Variants in RUBCN observed in about 807,000 individuals in gnomAD.
RUBCN encodes run domain Beclin-1-interacting and cysteine-rich domain-containing protein.
In RUBCN, 74 loss-of-function variants were observed where a neutral mutation model predicts 113.2. The ratio of observed to expected loss-of-function variants is 0.65; its 90% CI spans 0.54 to 0.79. The LOEUF is 0.79. Among genes scored for constraint, RUBCN ranks in the 30% least tolerant of loss-of-function variants. The pLI is 0.00. For missense variants in RUBCN, 1,109 were observed against 1,251.7 expected (o/e 0.89, Z 1.72); for synonymous variants, 480 against 490.0 (o/e 0.98, Z 0.27).
At chr3:197,736,969 G>A (rs1728225854), upstream of RUBCN, 5 of 1,274,824 alleles carry the variant, frequency 3.9e-6, no homozygotes, top group South Asian at 2.1e-5. Context: ...CGCTCCCGCA[G>A]GACGCGTCCT....
intron 2 of RUBCN, among the ~76,000 whole-genome samples, chr3:197,715,727 G>A (rs1023655558): frequency 6.6e-5 from 10 of 152,190 alleles, no homozygotes; most frequent in Non-Finnish European, 1.5e-4. Context: ...CTGAGCCACA[G>A]TACCTATTAA....
intron 14 of RUBCN, among the ~76,000 whole-genome samples, chr3:197,682,245 G>A (rs1475562724): frequency 6.6e-6 from 1 of 152,130 alleles, no homozygotes; most frequent in East Asian, 1.9e-4. Flanking sequence ...AAAGCTACAG[G>A]TTGGGAATGC....
chr3:197,711,676 T>A (rs972373564), intron 2 of RUBCN, among the ~76,000 whole-genome samples: 4 of 151,818 alleles, frequency 2.6e-5, no homozygotes, highest in African/African-American at 4.8e-5. Context: ...TTAAAAAAAA[T>A]TTTTAATTAA....
At chr3:197,741,343 T>G (rs1021497479), upstream of RUBCN, among the ~76,000 whole-genome samples, 1 of 152,218 alleles carries the variant, frequency 6.6e-6, no homozygotes, top group Non-Finnish European at 1.5e-5. Context: ...ATTCACTGAC[T>G]TTACCAAATT....
chr3:197,704,476 T>C, intron 4 of RUBCN, 66 bp downstream of exon 4: 2 of 1,442,286 alleles, frequency 1.4e-6, no homozygotes, highest in Non-Finnish European at 2.0e-6. Flanking sequence ...ACCAGAGGGG[T>C]AGAGGATAGT....
At chr3:197,744,875 A>T (rs1728670361) in intron 1 of RUBCN, among the ~76,000 whole-genome samples, 1 of 152,182 alleles carries the variant, frequency 6.6e-6, no homozygotes, top group Non-Finnish European at 1.5e-5. Flanking sequence ...ATGAATATAT[A>T]ATAATATTTA....
At chr3:197,741,100 A>C (rs557534588), upstream of RUBCN, among the ~76,000 whole-genome samples, 1 of 152,338 alleles carries the variant, frequency 6.6e-6, no homozygotes, top group Admixed American at 6.5e-5. Context: ...TGCAAGTTTA[A>C]AAAATAGTCA....
chr3:197,730,199 G>A (rs1199140592), intron 1 of RUBCN, among the ~76,000 whole-genome samples: 2 of 152,080 alleles, frequency 1.3e-5, no homozygotes, highest in Non-Finnish European at 2.9e-5. Context: ...TTCCACTGAG[G>A]AACCACCTCT....
intron 2 of RUBCN, among the ~76,000 whole-genome samples, chr3:197,708,554 CAAAAAAA>C (rs113534449): frequency 1.3e-5 from 1 of 74,568 alleles, no homozygotes; most frequent in African/African-American, 4.0e-5. Flanking sequence ...GTGGTAGACT[CAAAAAAA>C]AAAAAAAAAA....
chr3:197,694,695 C>T, intron 9 of RUBCN, 110 bp from the exon 10 acceptor site: 1 of 936,108 alleles, frequency 1.1e-6, no homozygotes, highest in Non-Finnish European at 1.7e-6. Flanking sequence ...CTGCCAAAAA[C>T]ACCCTGGAGA....
In RUBCN at chr3:197,676,941, C is replaced by T. The variant is rs757666071; in HGVS notation, c.2590G>A (p.Gly864Arg). 2 of 1,614,214 alleles carry T rather than the reference C, an allele frequency of 1.2e-6. No individual in the cohort carries two copies. The highest frequency in any genetic ancestry group is 2.2e-5 in the East Asian group (1 of 44,884). Residue 864 changes from glycine (G) to arginine (R), a missense_variant, in exon 18 of 20, where the codon GGG becomes AGG. Coordinates refer to ENST00000296343, the MANE Select transcript of RUBCN (RefSeq NM_014687.4). ...DLTATRKGELGPRLAELTRAG... is the reference protein window; with the variant it reads ...DLTATRKGELRPRLAELTRAG... Reference sequence around the variant, plus strand: ...CTGGTGAGCTCAGCAAGCCGGGGCCCCAGCTCCCCCTTCCTGGTCGCAGTC... The same window carrying T: ...CTGGTGAGCTCAGCAAGCCGGGGCCTCAGCTCCCCCTTCCTGGTCGCAGTC...
At chr3:197,739,476 G>A (rs1334955231), upstream of RUBCN, among the ~76,000 whole-genome samples, 2 of 151,008 alleles carry the variant, frequency 1.3e-5, no homozygotes, top group African/African-American at 2.4e-5. Flanking sequence ...GGCAGATCAC[G>A]AGGTCAGGAG....
At chr3:197,728,590 G>A (rs1236019015) in intron 1 of RUBCN, among the ~76,000 whole-genome samples, 1 of 152,204 alleles carries the variant, frequency 6.6e-6, no homozygotes, top group African/African-American at 2.4e-5. Flanking sequence ...TAAGAGGGAT[G>A]ACCACAACGT....
Position 197,693,784 on chromosome 3 carries a change from T to A in RUBCN, c.1717A>T (p.Ser573Cys). The A allele has an allele frequency of 6.2e-7, 1 of 1,614,122 alleles. No individual in the cohort carries two copies. Among genetic ancestry groups the A allele is most frequent in the Non-Finnish European group, 8.5e-7 (1 of 1,179,958 alleles). The change falls in exon 11 of 20, where the codon AGC (serine) becomes TGC (cysteine). Residue 573 changes from serine (S) to cysteine (C), a missense_variant. Coordinates refer to ENST00000296343, the MANE Select transcript of RUBCN (RefSeq NM_014687.4). ...FRVTSSSSQF[S>C]SRDSAQLSDS... ...GAGAGCTGTGCCGAATCACGTGAGCTGAACTGGGAGCTGCTGGAGGTGACC... is the reference window on the plus strand; with the variant it reads ...GAGAGCTGTGCCGAATCACGTGAGCAGAACTGGGAGCTGCTGGAGGTGACC...
At chr3:197,744,503 T>G (rs1226114401) in intron 1 of RUBCN, among the ~76,000 whole-genome samples, 1 of 152,212 alleles carries the variant, frequency 6.6e-6, no homozygotes, top group African/African-American at 2.4e-5. Context: ...AGAAGGGAAC[T>G]TCCTCAACCT....
In RUBCN at chr3:197,681,832, C is replaced by G. The variant is rs367960651; in HGVS notation, c.2191+3G>C. Reference sequence around the variant, plus strand: ...CAGCATGGTGGGAAGGGAAGGCACTCACCAGGGTCAGTCCGGATGCCACAT... The same window carrying G: ...CAGCATGGTGGGAAGGGAAGGCACTGACCAGGGTCAGTCCGGATGCCACAT... On this transcript the variant is annotated splice_donor_region_variant and intron_variant, in intron 15 of 19. Transcript: ENST00000296343. This position sits in a 1 kb window ranked among gnomAD's most constrained non-coding sequence, Gnocchi z 5.5. 6.2e-7 allele frequency: 1 copy of G among 1,613,516 alleles called. No homozygotes were observed. The highest frequency in any genetic ancestry group is 8.5e-7 in the Non-Finnish European group (1 of 1,179,484).
Position 197,694,511 on chromosome 3 carries a change from C to T in RUBCN, c.1548G>A (p.Gln516=). 6.2e-7 allele frequency: 1 copy of T among 1,614,210 alleles called. No individual in the cohort carries two copies. Among genetic ancestry groups the T allele is most frequent in the Non-Finnish European group, 8.5e-7 (1 of 1,180,028 alleles). The change falls in exon 10 of 20, where the codon CAG becomes CAA. Residue 516 remains glutamine, a synonymous_variant. Coordinates refer to ENST00000296343, the MANE Select transcript of RUBCN (RefSeq NM_014687.4). ...CTTCCACTTCCTCCTCCTCTAGGCA[C>T]TGGCTCATCATGTTGCACTTCATTA... The part of the protein sequence containing the change: ...IELMKCNMMS[Q]CLEEEEVEEE...
At chr3:197,691,962 T>C (rs1406027368) in intron 11 of RUBCN, among the ~76,000 whole-genome samples, 1 of 152,048 alleles carries the variant, frequency 6.6e-6, no homozygotes, top group African/African-American at 2.4e-5. Flanking sequence ...AAGAAATTAT[T>C]CAAAATACGC....
At chr3:197,737,599 G>C (rs1209363237), upstream of RUBCN, among the ~76,000 whole-genome samples, 1 of 152,034 alleles carries the variant, frequency 6.6e-6, no homozygotes, top group Non-Finnish European at 1.5e-5. Context: ...GCATTCTGGT[G>C]TGGGGAAACC....
Sources: gnomAD v4.1 joint callset for allele counts (sites outside exome capture counted in the v4.1 genomes callset) on GRCh38, gnomAD v4.1.1 for gene constraint, Gnocchi (gnomAD v3.1) non-coding constraint, MANE v1.5 for transcripts, NCBI Gene and HGNC (gene_info 2026-07-23, HGNC 2026-07-21) for gene names.